The following ARHGEF38 variants were observed in gnomAD, a reference collection of about 807,000 sequenced individuals.
ARHGEF38 encodes Rho guanine nucleotide exchange factor 38.
A neutral mutation model predicts 79.9 loss-of-function variants in ARHGEF38; 79 were observed. The observed-to-expected ratio is 0.99, with a 90% CI of 0.82 to 1.19. The LOEUF (loss-of-function observed/expected upper bound fraction) is 1.19. ARHGEF38 is among the 50% of genes most tolerant of loss of function. ARHGEF38 has a pLI of 0.00. For missense variants in ARHGEF38, 962 were observed against 907.2 expected (o/e 1.06, Z -0.78); for synonymous variants, 366 against 328.3 (o/e 1.11, Z -1.24).
intron 4 of ARHGEF38, among the ~76,000 whole-genome samples, chr4:105,634,027 G>C (rs1006872203): frequency 1.3e-5 from 2 of 152,172 alleles, no homozygotes; most frequent in African/African-American, 4.8e-5. Context: ...CGTGAGGGCA[G>C]TGTTTTTCTG....
At position 105,641,273 on chromosome 4, in the gene ARHGEF38, C is replaced by T. The variant is rs187012680; in HGVS notation, c.675-3915C>T. Among the ~76,000 whole-genome samples, 235 of 152,258 alleles carry T rather than the reference C, an allele frequency of 1.5e-3. 2 individuals carry two copies. The highest frequency in any genetic ancestry group is 2.2e-4 in the Non-Finnish European group (15 of 68,010). On this transcript the variant is annotated intron_variant, in intron 5 of 13. Transcript: ENST00000420470. ...CCCTCCTTATTTTGGTATCCAGCCC[C>T]TCATTCCCTATTTCCATGGGTAACC...
At chr4:105,581,779 G>A (rs753915518) in intron 1 of ARHGEF38, among the ~76,000 whole-genome samples, 20 of 151,900 alleles carry the variant, frequency 1.3e-4, no homozygotes, top group Non-Finnish European at 2.2e-4. Flanking sequence ...AGTAACTTAA[G>A]ACTTTGTGGA....
chr4:105,613,337 C>A, intron 2 of ARHGEF38, 47 bp from the exon 3 acceptor site: 2 of 1,592,506 alleles, frequency 1.3e-6, no homozygotes, highest in Non-Finnish European at 1.7e-6. Flanking sequence ...AGAAAACATC[C>A]TAAATACAGT....
rs75198084 is a variant in ARHGEF38, at chr4:105,626,302, T to C, written c.509-4596T>C. Among the ~76,000 whole-genome samples, 1,471 of 152,262 alleles carry C rather than the reference T, an allele frequency of 9.7e-3. 7 individuals carry two copies. The highest frequency in any genetic ancestry group is 0.017 in the Admixed American group (263 of 15,286). On this transcript the variant is annotated intron_variant, in intron 3 of 13. Transcript: ENST00000420470. Reference sequence around the variant, plus strand: ...AATCATCTCTCACACATGTTCAATGTCCATTTTTTTCCTTTCCTCTGCATC... The same window carrying C: ...AATCATCTCTCACACATGTTCAATGCCCATTTTTTTCCTTTCCTCTGCATC...
chr4:105,618,494 AC>A lies in ARHGEF38; in HGVS notation c.508+4989del, dbSNP rs57448750. On this transcript the variant is annotated intron_variant, in intron 3 of 13. Coordinates refer to ENST00000420470, the MANE Select transcript of ARHGEF38 (RefSeq NM_001242729.2). ...AAATTAGCCGGGCGTGGTGGCACGC[AC>A]CTGTAGTCCCAGCTACTCAGGAGGC... 5.5e-3 allele frequency among the ~76,000 whole-genome samples: 833 copies of A among 152,162 alleles called. 5 individuals carry two copies. The highest frequency in any genetic ancestry group is 0.019 in the African/African-American group (792 of 41,520).
At chr4:105,592,918 G>A (rs1727406898) in intron 2 of ARHGEF38, among the ~76,000 whole-genome samples, 1 of 152,126 alleles carries the variant, frequency 6.6e-6, no homozygotes, top group South Asian at 2.1e-4. Flanking sequence ...CTCTCTGCTA[G>A]TGCAGTGGAT....
chr4:105,564,237 G>A (rs1485990341), intron 1 of ARHGEF38, among the ~76,000 whole-genome samples: 4 of 152,108 alleles, frequency 2.6e-5, no homozygotes, highest in Admixed American at 6.6e-5. Flanking sequence ...TTATTGTTGT[G>A]CATGCTTCAT....
At chr4:105,649,918 G>A (rs1730028910) in intron 7 of ARHGEF38, among the ~76,000 whole-genome samples, 1 of 152,206 alleles carries the variant, frequency 6.6e-6, no homozygotes, top group Non-Finnish European at 1.5e-5. Flanking sequence ...CTGCCACTTA[G>A]TAAATGTTTG....
intron 3 of ARHGEF38, among the ~76,000 whole-genome samples, chr4:105,616,472 AG>A (rs2110496290): frequency 6.6e-6 from 1 of 152,234 alleles, no homozygotes; most frequent in Admixed American, 6.5e-5. Context: ...GAGCACGCCA[AG>A]GGGGAAGTGC....
chr4:105,610,753 A>T (rs1193696044), intron 2 of ARHGEF38, among the ~76,000 whole-genome samples: 2 of 152,078 alleles, frequency 1.3e-5, no homozygotes, highest in Non-Finnish European at 2.9e-5. Flanking sequence ...TGGAATTAAA[A>T]TCTATGTTTT....
chr4:105,577,085 ACTTT>A (rs1404517192), intron 1 of ARHGEF38, among the ~76,000 whole-genome samples: 12 of 55,306 alleles, frequency 2.2e-4, no homozygotes, highest in South Asian at 1.1e-3. Context: ...CTTTTTTTTT[ACTTT>A]CTTTCTTTAA....
At chr4:105,658,988 T>G (rs1356853083) in intron 9 of ARHGEF38, 66 bp from the exon 10 acceptor site, 7 of 1,357,084 alleles carry the variant, frequency 5.2e-6, no homozygotes, top group African/African-American at 2.9e-5. Context: ...AACCTATGGA[T>G]AGCAGAACTG....
At chr4:105,629,115 C>A (rs72669986) in intron 3 of ARHGEF38, among the ~76,000 whole-genome samples, 9,397 of 152,162 alleles carry the variant, frequency 0.062, 328 homozygotes, top group Middle Eastern at 0.15. Flanking sequence ...CGACTAGTAC[C>A]CTAAAAGCTA....
At chr4:105,554,111 T>A (rs1202334176) in intron 1 of ARHGEF38, among the ~76,000 whole-genome samples, 1 of 150,480 alleles carries the variant, frequency 6.6e-6, no homozygotes, top group Non-Finnish European at 1.5e-5. Context: ...CCTCAAATAC[T>A]TTTTTTTTAA....
At chr4:105,611,758 T>G (rs1728304068) in intron 2 of ARHGEF38, among the ~76,000 whole-genome samples, 1 of 152,080 alleles carries the variant, frequency 6.6e-6, no homozygotes, top group South Asian at 2.1e-4. Context: ...TTAAAGACCT[T>G]AAGAACTAAT....
rs568798852 is a variant in ARHGEF38, at chr4:105,601,290, G to A, written c.384+11855G>A. 5.3e-5 allele frequency among the ~76,000 whole-genome samples: 8 copies of A among 152,246 alleles called. 1 individual carries two copies. The South Asian group carries it at 1.7e-3, about 32-fold the overall frequency. ...TCTTGCTGTTTTCTTTGCCTTGAAT[G>A]CTCTTCCCCAAAATAACTTCATAGC... On this transcript the variant is annotated intron_variant, in intron 2 of 13. Coordinates refer to ENST00000420470, the MANE Select transcript of ARHGEF38 (RefSeq NM_001242729.2).
At chr4:105,572,310 G>A (rs571540156) in intron 1 of ARHGEF38, among the ~76,000 whole-genome samples, 2 of 152,124 alleles carry the variant, frequency 1.3e-5, no homozygotes, top group East Asian at 3.9e-4. Context: ...AGGAAGCCTT[G>A]CTATGTCTAT....
Position 105,589,435 on chromosome 4 carries a change from G to A in ARHGEF38, c.384G>A (p.Lys128=). ...REVVQPLRNK[K]TDRLDVDSLF... ...TGGTTCAGCCCCTGAGAAATAAAAA[G>A]GTAAATATATATTTGAGATTTTTTT... The change falls in exon 2 of 14, where the codon AAG becomes AAA. Residue 128 remains lysine, a splice_region_variant and synonymous_variant. Transcript: ENST00000420470. 3.1e-6 allele frequency: 5 copies of A among 1,599,544 alleles called. No individual in the cohort carries two copies. The highest frequency in any genetic ancestry group is 4.3e-6 in the Non-Finnish European group (5 of 1,175,514).
chr4:105,650,672 A>G (rs576328361), intron 7 of ARHGEF38, among the ~76,000 whole-genome samples: 1 of 152,294 alleles, frequency 6.6e-6, no homozygotes, highest in East Asian at 1.9e-4. Context: ...TGAGTATAAT[A>G]AACTTCTTCC....
Sources: allele counts gnomAD v4.1 joint callset (sites outside exome capture counted in the v4.1 genomes callset), GRCh38; gene constraint gnomAD v4.1.1; transcripts MANE v1.5; gene names NCBI Gene and HGNC (gene_info 2026-07-23, HGNC 2026-07-21).